KCNMB2: variants seen among roughly 807,000 people sequenced by gnomAD.
KCNMB2 encodes the protein potassium calcium-activated channel subfamily M regulatory beta subunit 2.
KCNMB2 carries 9 observed loss-of-function variants against 24.5 expected under a neutral mutation model. That is an observed-to-expected ratio of 0.37 (90% confidence interval 0.22 to 0.64). KCNMB2 has a LOEUF of 0.64. Ranked by LOEUF, KCNMB2 falls within the 30% of genes least tolerant of loss-of-function variation. The probability of loss-of-function intolerance (pLI) is 0.63; values close to 1 mark genes in which losing one functional copy is unlikely to be tolerated. For synonymous variants in KCNMB2, 109 were observed against 104.4 expected, an observed-to-expected ratio of 1.04 and a Z score of -0.27; for missense variants, 226 against 284.3, an observed-to-expected ratio of 0.79 and a Z score of 1.47.
intron 1 of KCNMB2, among the ~76,000 whole-genome samples, chr3:178,738,974 G>A (rs987242248): frequency 2.0e-5 from 3 of 152,012 alleles, no homozygotes; most frequent in African/African-American, 7.3e-5. Flanking sequence ...ATAATGCTGT[G>A]CAGGACAAGG....
At chr3:178,642,280 GTTTA>G (rs1302304230) in intron 1 of KCNMB2, among the ~76,000 whole-genome samples, 1 of 152,156 alleles carries the variant, frequency 6.6e-6, no homozygotes, top group Non-Finnish European at 1.5e-5. Context: ...TCTAAAAAGT[GTTTA>G]TTTATCCATA....
intron 1 of KCNMB2, among the ~76,000 whole-genome samples, chr3:178,580,765 C>T (rs1717167572): frequency 6.6e-6 from 1 of 152,118 alleles, no homozygotes; most frequent in Non-Finnish European, 1.5e-5. Flanking sequence ...CTCCCATTCA[C>T]AATTGCTACA....
intron 2 of KCNMB2, among the ~76,000 whole-genome samples, chr3:178,808,634 T>C (rs1229681327): frequency 6.6e-6 from 1 of 152,054 alleles, no homozygotes; most frequent in Non-Finnish European, 1.5e-5. Context: ...ATAGCAAAAA[T>C]TGGGAAGCAA....
intron 1 of KCNMB2, among the ~76,000 whole-genome samples, chr3:178,577,101 C>T (rs559170502): frequency 6.6e-5 from 10 of 152,272 alleles, no homozygotes; most frequent in African/African-American, 2.2e-4. Flanking sequence ...TCAACAGGCA[C>T]CTCACACTGG....
At chr3:178,730,405 A>ACCCCCC (rs71181246) in intron 1 of KCNMB2, among the ~76,000 whole-genome samples, 3 of 112,150 alleles carry the variant, frequency 2.7e-5, no homozygotes, top group African/African-American at 3.7e-5. Context: ...GTCCCCCAAC[A>ACCCCCC]CCCCCCCACA....
chr3:178,778,414 G>C (rs1712671544), intron 1 of KCNMB2, among the ~76,000 whole-genome samples: 1 of 145,954 alleles, frequency 6.9e-6, no homozygotes, highest in South Asian at 2.2e-4. Context: ...AGTCATGTGA[G>C]TCTAATGTCA....
At chr3:178,766,297 G>A (rs892056504) in intron 1 of KCNMB2, among the ~76,000 whole-genome samples, 10 of 152,058 alleles carry the variant, frequency 6.6e-5, no homozygotes, top group Non-Finnish European at 1.5e-4. Context: ...GGGCTCAAGC[G>A]ATCCTCCTGC....
intron 1 of KCNMB2, among the ~76,000 whole-genome samples, chr3:178,554,630 A>G (rs1716064602): frequency 6.6e-6 from 1 of 151,964 alleles, no homozygotes; most frequent in Admixed American, 6.6e-5. Flanking sequence ...CCCCTTTCAG[A>G]AAAAAAAGCA....
chr3:178,720,153 C>T (rs1271934166), intron 1 of KCNMB2, among the ~76,000 whole-genome samples: 1 of 152,062 alleles, frequency 6.6e-6, no homozygotes, highest in Non-Finnish European at 1.5e-5. Context: ...ACAACAGGCC[C>T]CAGAGTGTGA....
intron 1 of KCNMB2, among the ~76,000 whole-genome samples, chr3:178,721,002 G>T (rs1189156896): frequency 6.6e-6 from 1 of 151,420 alleles, no homozygotes; most frequent in Non-Finnish European, 1.5e-5. Flanking sequence ...GTCAATTTTG[G>T]CTTTTGTTGC....
intron 1 of KCNMB2, among the ~76,000 whole-genome samples, chr3:178,789,893 G>A (rs966929191): frequency 3.3e-5 from 5 of 152,114 alleles, no homozygotes; most frequent in African/African-American, 1.2e-4. Flanking sequence ...TGTGGACTTG[G>A]TGGGTGCACA....
At chr3:178,608,786 C>T (rs1260127664) in intron 1 of KCNMB2, among the ~76,000 whole-genome samples, 2 of 152,114 alleles carry the variant, frequency 1.3e-5, no homozygotes, top group East Asian at 1.9e-4. Flanking sequence ...CTTTCTGTGC[C>T]TCCAGTTCTA....
chr3:178,814,781 G>A (rs1714339138), intron 2 of KCNMB2, among the ~76,000 whole-genome samples: 1 of 152,068 alleles, frequency 6.6e-6, no homozygotes, highest in Admixed American at 6.5e-5. Flanking sequence ...TTTGAGAAGT[G>A]TCTGTTCACG....
chr3:178,641,678 A>G (rs1719733370), intron 1 of KCNMB2, among the ~76,000 whole-genome samples: 1 of 151,944 alleles, frequency 6.6e-6, no homozygotes, highest in South Asian at 2.1e-4. Flanking sequence ...ACCTTACTGC[A>G]GTAGTTAGGA....
intron 1 of KCNMB2, among the ~76,000 whole-genome samples, chr3:178,731,855 G>A (rs1723162153): frequency 6.6e-6 from 1 of 152,178 alleles, no homozygotes; most frequent in Non-Finnish European, 1.5e-5. Context: ...GTGAGCCTAG[G>A]TTGTGCCGCT....
intron 2 of KCNMB2, among the ~76,000 whole-genome samples, chr3:178,825,324 T>C (rs1714790226): frequency 6.6e-6 from 1 of 152,174 alleles, no homozygotes; most frequent in South Asian, 2.1e-4. Context: ...AAAATTAATT[T>C]GCAGTTAAGA....
chr3:178,683,392 T>C (rs1326955797), intron 1 of KCNMB2, among the ~76,000 whole-genome samples: 3 of 151,940 alleles, frequency 2.0e-5, no homozygotes, highest in South Asian at 4.2e-4. Flanking sequence ...AGTACCTATG[T>C]GACAGGATCA....
intron 1 of KCNMB2, among the ~76,000 whole-genome samples, chr3:178,599,242 A>T (rs1457972414): frequency 6.6e-6 from 1 of 152,174 alleles, no homozygotes; most frequent in Non-Finnish European, 1.5e-5. Flanking sequence ...TTTTTAAAAT[A>T]TTTGCTTAAT....
In KCNMB2 at chr3:178,757,349, G is replaced by GATAT. The variant is rs768743661; in HGVS notation, c.-67-49973_-67-49970dup. Among the ~76,000 whole-genome samples, 132 of 19,622 alleles carry GATAT rather than the reference G, an allele frequency of 6.7e-3. 17 individuals carry two copies. The highest frequency in any genetic ancestry group is 0.015 in the South Asian group (9 of 608). 12.9% of individuals were successfully genotyped at this position (19,622 alleles called of 152,430 possible). A position where few individuals can be genotyped will look rare whatever the true frequency, so the allele number is the denominator to read the frequency against. On this transcript the variant is annotated intron_variant, in intron 1 of 4. Transcript: ENST00000452583. The stretch of plus-strand genomic sequence containing the variant: ...ATATATATGTATATATATCCAAGAG[G>GATAT]ATATATATATATATATATATATATC...
Sources: allele counts gnomAD v4.1 joint callset (sites outside exome capture counted in the v4.1 genomes callset), GRCh38; gene constraint gnomAD v4.1.1; transcripts MANE v1.5; gene names NCBI Gene and HGNC (gene_info 2026-07-23, HGNC 2026-07-21).